The following YWHAE variants were observed in gnomAD, a reference collection of about 807,000 sequenced individuals.
The protein encoded by YWHAE is tyrosine 3-monooxygenase/tryptophan 5-monooxygenase activation protein epsilon, also known as 14-3-3 protein epsilon.
In YWHAE, 4 loss-of-function variants were observed where a neutral mutation model predicts 30.1. The observed-to-expected ratio is 0.13, with a 90% CI of 0.07 to 0.30. The LOEUF (loss-of-function observed/expected upper bound fraction) is 0.30. Ranked by LOEUF, YWHAE falls within the 10% of genes least tolerant of loss-of-function variation. The probability of loss-of-function intolerance (pLI) is 1.00; values close to 1 mark genes in which losing one functional copy is unlikely to be tolerated. For missense variants in YWHAE, 121 were observed against 315.9 expected, an observed-to-expected ratio of 0.38 and a Z score of 4.68; for synonymous variants, 118 against 111.8, an observed-to-expected ratio of 1.06 and a Z score of -0.35.
chr17:1,398,339 C>CT (rs1005996621), intron 1 of YWHAE, among the ~76,000 whole-genome samples: 2 of 92,620 alleles, frequency 2.2e-5, no homozygotes, highest in South Asian at 3.6e-4. Context: ...TCTTATCCCC[C>CT]CCCCCAACAG....
intron 1 of YWHAE, among the ~76,000 whole-genome samples, chr17:1,390,634 C>G (rs140731993): frequency 6.6e-6 from 1 of 152,164 alleles, no homozygotes; most frequent in Non-Finnish European, 1.5e-5. Context: ...CCCAGTGATT[C>G]CTGTGCATTC....
intron 4 of YWHAE, among the ~76,000 whole-genome samples, chr17:1,354,964 G>GTTTTTTTT (rs56351171): frequency 6.7e-5 from 5 of 74,740 alleles, no homozygotes; most frequent in East Asian, 8.1e-4. Flanking sequence ...GCCCAGCCTA[G>GTTTTTTTT]TTTTTTTTTT....
intron 5 of YWHAE, 52 bp from the exon 6 acceptor site, chr17:1,345,551 T>C (rs751205506): frequency 7.6e-6 from 12 of 1,577,048 alleles, no homozygotes; most frequent in East Asian, 4.5e-5. Flanking sequence ...CATTAGGCTA[T>C]GGCAGCCACA....
chr17:1,376,945 G>A (rs1273643554), intron 1 of YWHAE, among the ~76,000 whole-genome samples: 1 of 99,042 alleles, frequency 1.0e-5, no homozygotes, highest in Non-Finnish European at 2.2e-5. Flanking sequence ...TTTTTTTTTT[G>A]AGACAGAGTC....
intron 5 of YWHAE, chr17:1,352,013 G>A (rs1470087965): frequency 6.6e-6 from 1 of 151,474 alleles, no homozygotes; most frequent in Non-Finnish European, 1.5e-5. Context: ...TGAACTCCTA[G>A]GCTCAAGCAT....
At chr17:1,367,686 A>G (rs2072965860) in intron 1 of YWHAE, among the ~76,000 whole-genome samples, 1 of 152,208 alleles carries the variant, frequency 6.6e-6, no homozygotes, top group African/African-American at 2.4e-5. Context: ...AGGGGAGAAA[A>G]ATAATTAACT....
At chr17:1,364,671 T>C (rs189538063) in intron 2 of YWHAE, 188 bp downstream of exon 2, 3 of 691,866 alleles carry the variant, frequency 4.3e-6, no homozygotes, top group African/African-American at 1.8e-5. Context: ...CTATGTTTTG[T>C]CCTCATGCAT....
chr17:1,375,320 C>T (rs994561358), intron 1 of YWHAE, among the ~76,000 whole-genome samples: 1 of 152,158 alleles, frequency 6.6e-6, no homozygotes, highest in East Asian at 1.9e-4. Flanking sequence ...CACCCTTCAG[C>T]CCTCCCTCAG....
rs1219197867 is a variant in YWHAE at position 1,364,929 on chromosome 17, C to T, written c.194G>A (p.Ser65Asn). Residue 65 changes from serine (S) to asparagine (N), a missense_variant, in exon 2 of 6, where the codon AGC (serine) becomes AAC (asparagine). Around this residue, in one of 2 missense-constraint regions of YWHAE, gnomAD observed 99 missense variants for 289.3 expected, o/e 0.34. Coordinates refer to ENST00000264335, the MANE Select transcript of YWHAE (RefSeq NM_006761.5). ...CTTGTTTTCTTCTTTCTGTTCAATG[C>T]TGCTGATTATTCTCCAGGAGGCTCT... ...ARRASWRIIS[S>N]IEQKEENKGG... is the part of the protein sequence containing the mutation. The T allele has an allele frequency of 6.2e-7, 1 of 1,614,104 alleles. No homozygotes were observed. The highest frequency in any genetic ancestry group is 1.1e-5 in the South Asian group (1 of 91,082).
intron 5 of YWHAE, among the ~76,000 whole-genome samples, chr17:1,351,442 T>C (rs1284514318): frequency 1.3e-5 from 2 of 151,840 alleles, no homozygotes; most frequent in Non-Finnish European, 2.9e-5. Flanking sequence ...TCATTACTTA[T>C]TACTTTTACT....
intron 4 of YWHAE, among the ~76,000 whole-genome samples, chr17:1,355,148 A>ATTTTTTT (rs1271496520): frequency 7.8e-5 from 6 of 76,834 alleles, no homozygotes; most frequent in African/African-American, 2.2e-4. Context: ...AAAAAAAAAA[A>ATTTTTTT]TTTTTTTTTT....
intron 1 of YWHAE, among the ~76,000 whole-genome samples, chr17:1,381,417 G>A (rs564276088): frequency 8.1e-4 from 123 of 152,240 alleles, no homozygotes; most frequent in Admixed American, 1.7e-3. Flanking sequence ...GCTGAAGCAC[G>A]AGCATCCCTT....
chr17:1,370,325 G>A (rs549420873), intron 1 of YWHAE, among the ~76,000 whole-genome samples: 19 of 151,698 alleles, frequency 1.3e-4, no homozygotes, highest in South Asian at 4.2e-4. Flanking sequence ...TAGAGGCGGG[G>A]TTTCACCATG....
At chr17:1,399,747 C>G (rs1001343664) in intron 1 of YWHAE, 13 of 319,068 alleles carry the variant, frequency 4.1e-5, no homozygotes, top group Admixed American at 4.0e-4. Flanking sequence ...TCTCCTCCCC[C>G]TCCCCCGCCC....
At chr17:1,348,970 G>A (rs1164243338) in intron 5 of YWHAE, among the ~76,000 whole-genome samples, 4 of 151,550 alleles carry the variant, frequency 2.6e-5, no homozygotes, top group East Asian at 3.9e-4. Flanking sequence ...AGTTTGCAGT[G>A]AGCCAAGATA....
chr17:1,355,116 TAAAAAAAAAAAAAAA>T, intron 4 of YWHAE, among the ~76,000 whole-genome samples: 2 of 17,186 alleles, frequency 1.2e-4, no homozygotes, highest in East Asian at 2.8e-3. Context: ...CAAGATTTTT[TAAAAAAAAAAAAAAA>T]AAAAAAAAAA....
intron 1 of YWHAE, among the ~76,000 whole-genome samples, chr17:1,389,300 A>C (rs1351424966): frequency 6.6e-6 from 1 of 152,188 alleles, no homozygotes; most frequent in Non-Finnish European, 1.5e-5. Flanking sequence ...AAATTTCAAC[A>C]TAAAGGTGTT....
intron 1 of YWHAE, among the ~76,000 whole-genome samples, chr17:1,371,564 G>A (rs1248151451): frequency 6.6e-6 from 1 of 152,096 alleles, no homozygotes; most frequent in East Asian, 1.9e-4. Context: ...GATTCTTAAA[G>A]AGGCCTCAAA....
chr17:1,388,101 G>GTTTTT (rs1291752445), intron 1 of YWHAE, among the ~76,000 whole-genome samples: 1 of 62,356 alleles, frequency 1.6e-5, no homozygotes, highest in African/African-American at 7.8e-5. Flanking sequence ...GGTAATTTTT[G>GTTTTT]TTTTTTTTTT....
Sources: allele counts gnomAD v4.1 joint callset (sites outside exome capture counted in the v4.1 genomes callset), GRCh38; gene constraint gnomAD v4.1.1; regional missense constraint gnomAD v4.1.1; transcripts MANE v1.5; gene names NCBI Gene and HGNC (gene_info 2026-07-23, HGNC 2026-07-21).